The following RNF139 variants were observed in gnomAD, a reference collection of about 807,000 sequenced individuals.
RNF139 encodes the protein ring finger protein 139.
RNF139 carries 15 observed loss-of-function variants against 49.5 expected under a neutral mutation model. That is an observed-to-expected ratio of 0.30 (90% CI 0.20 to 0.47). The LOEUF (loss-of-function observed/expected upper bound fraction) is 0.47. RNF139 is among the 20% of genes least tolerant of loss of function. RNF139 has a pLI of 1.00. For synonymous variants in RNF139, 325 were observed against 300.9 expected, an observed-to-expected ratio of 1.08 and a Z score of -0.83; for missense variants, 619 against 806.3, an observed-to-expected ratio of 0.77 and a Z score of 2.81.
At position 124,486,741 on chromosome 8, in the gene RNF139, G is replaced by C; in HGVS notation, c.1092G>C (p.Leu364=). Reference sequence around the variant, plus strand: ...TGTGCCTTTTATTAACTGCAGTCCTGCATTTTATCCATGGAATGACAGACC... The same window carrying C: ...TGTGCCTTTTATTAACTGCAGTCCTCCATTTTATCCATGGAATGACAGACC... ...RNMCLLLTAV[L]HFIHGMTDPV... is the part of the protein sequence containing the mutation. Residue 364 remains leucine (L), a synonymous_variant, in exon 2 of 2, where the codon CTG becomes CTC. Transcript: ENST00000303545. 1.2e-6 allele frequency: 2 copies of C among 1,613,912 alleles called. No individual in the cohort carries two copies. Among genetic ancestry groups the C allele is most frequent in the Non-Finnish European group, 1.7e-6 (2 of 1,179,950 alleles).
At chr8:124,479,919 C>A (rs1270914030) in intron 1 of RNF139, among the ~76,000 whole-genome samples, 1 of 151,940 alleles carries the variant, frequency 6.6e-6, no homozygotes, top group African/African-American at 2.4e-5. Context: ...AATATATAGA[C>A]AGTCACTTCT....
At chr8:124,481,356 T>G (rs1207715866) in intron 1 of RNF139, among the ~76,000 whole-genome samples, 1 of 152,292 alleles carries the variant, frequency 6.6e-6, no homozygotes, top group African/African-American at 2.4e-5. Context: ...ATTGTAAATA[T>G]TATGTTTTGT....
intron 1 of RNF139, among the ~76,000 whole-genome samples, chr8:124,481,070 A>G (rs1286907070): frequency 6.6e-6 from 1 of 152,198 alleles, no homozygotes; most frequent in Non-Finnish European, 1.5e-5. Flanking sequence ...TTTAAAAGCA[A>G]AAGTTTAATT....
rs771945528 is a variant in RNF139, at chr8:124,488,605, G to GA, written c.*967dup. On this transcript the variant is annotated 3_prime_UTR_variant, in exon 2 of 2. Coordinates refer to ENST00000303545, the MANE Select transcript of RNF139 (RefSeq NM_007218.4). ...AAGACATATACCAATTATATTCCAG[G>GA]AAAAAATACTTTAATAGTATTGTTA... 44 of 1,531,728 alleles carry GA rather than the reference G, an allele frequency of 2.9e-5. No homozygotes were observed. In the African/African-American group the frequency reaches 4.7e-4, roughly 16 times the overall value. The allele number at this position is 1,531,728 out of a possible 1,614,324, so 94.9% of individuals were successfully genotyped here.
chr8:124,479,285 A>G (rs1364196354), intron 1 of RNF139, among the ~76,000 whole-genome samples: 1 of 152,156 alleles, frequency 6.6e-6, no homozygotes, highest in Non-Finnish European at 1.5e-5. Context: ...TGGCCTAGAG[A>G]GATAGTTTGC....
intron 1 of RNF139, among the ~76,000 whole-genome samples, chr8:124,479,811 T>G (rs1333703611): frequency 1.3e-5 from 2 of 152,126 alleles, no homozygotes; most frequent in Non-Finnish European, 2.9e-5. Flanking sequence ...GTTTCAGAGA[T>G]AGAATTGAAG....
At position 124,478,140 on chromosome 8, in the gene RNF139, T is replaced by TA. The variant is rs1395642000; in HGVS notation, c.181+2861dup. ...CCTGGGGATAGAGTGAGACTCTGTC[T>TA]AAAAAAAAAAACAAAACAAAACAAG... On this transcript the variant is annotated intron_variant, in intron 1 of 1. Transcript: ENST00000303545. 9.1e-3 allele frequency among the ~76,000 whole-genome samples: 1,221 copies of TA among 133,458 alleles called. 10 individuals carry two copies. Among genetic ancestry groups the TA allele is most frequent in the South Asian group, 0.027 (113 of 4,250 alleles). The allele number at this position is 133,458 out of a possible 152,430, so 87.6% of individuals were successfully genotyped here.
chr8:124,487,609 G>T lies in RNF139; in HGVS notation c.1960G>T (p.Ala654Ser), dbSNP rs750103363. 3 of 1,607,502 alleles carry T rather than the reference G, an allele frequency of 1.9e-6. No individual in the cohort carries two copies. The highest frequency in any genetic ancestry group is 2.6e-6 in the Non-Finnish European group (3 of 1,176,182). ...ERNGVIQHTGAAAEEFNDDTD is the reference protein window; with the variant it reads ...ERNGVIQHTGSAAEEFNDDTD ...AAATGGAGTGATTCAGCACACAGGC[G>T]CAGCAGCTGAAGAATTTAATGATGA... The change falls in exon 2 of 2, where the codon GCA becomes TCA. Residue 654 changes from alanine to serine, a missense_variant. Coordinates refer to ENST00000303545, the MANE Select transcript of RNF139 (RefSeq NM_007218.4).
intron 1 of RNF139, among the ~76,000 whole-genome samples, chr8:124,477,420 A>G (rs1007339201): frequency 1.3e-5 from 2 of 152,348 alleles, no homozygotes; most frequent in African/African-American, 4.8e-5. Flanking sequence ...TTGTAGTTGT[A>G]GACTTCTCAG....
intron 1 of RNF139, among the ~76,000 whole-genome samples, chr8:124,475,616 G>A (rs996245019): frequency 7.9e-5 from 12 of 152,312 alleles, no homozygotes; most frequent in East Asian, 5.8e-4. Context: ...GACAGCCTTC[G>A]AAAAACAACT....
Position 124,485,237 on chromosome 8 carries a change from G to T in RNF139, c.182-594G>T, listed in dbSNP as rs1367566957. Among the ~76,000 whole-genome samples the T allele has an allele frequency of 2.0e-5, 3 of 152,142 alleles. No homozygotes were observed. The East Asian group carries it at 5.8e-4, about 29-fold the overall frequency. On this transcript the variant is annotated intron_variant, in intron 1 of 1. Coordinates refer to ENST00000303545, the MANE Select transcript of RNF139 (RefSeq NM_007218.4). ...AAATTAGCTGGGCATGGTGGCAGGT[G>T]CCTGTAATCCCAGTTACTTGGGAGG... is the stretch of plus-strand genomic sequence containing the variant.
At chr8:124,480,317 C>T (rs947429468) in intron 1 of RNF139, among the ~76,000 whole-genome samples, 3 of 147,570 alleles carry the variant, frequency 2.0e-5, no homozygotes, top group Non-Finnish European at 4.5e-5. Flanking sequence ...ATTGATAAAC[C>T]GAATGATATT....
chr8:124,487,678 G>C lies in RNF139; in HGVS notation c.*34G>C, dbSNP rs926325477. 1.3e-6 allele frequency: 2 copies of C among 1,549,914 alleles called. No homozygotes were observed. The highest frequency in any genetic ancestry group is 1.4e-5 in the African/African-American group (1 of 72,930). On this transcript the variant is annotated 3_prime_UTR_variant, in exon 2 of 2. Coordinates refer to ENST00000303545, the MANE Select transcript of RNF139 (RefSeq NM_007218.4). ...GCATTTATTAATGATTGAGGTATTT[G>C]TTTAAAATTCAGTTCATCCAAAATG... is the stretch of plus-strand genomic sequence containing the variant.
chr8:124,487,784 C>T lies in RNF139; in HGVS notation c.*140C>T, dbSNP rs1816567168. ...GAATCTGTGAATGGTTTTCCGTTTA[C>T]TGTGATGTGCTACTGTAAATATACC... On this transcript the variant is annotated 3_prime_UTR_variant, in exon 2 of 2. Coordinates refer to ENST00000303545, the MANE Select transcript of RNF139 (RefSeq NM_007218.4). 2 of 758,106 alleles carry T rather than the reference C, an allele frequency of 2.6e-6. No individual in the cohort carries two copies. The highest frequency in any genetic ancestry group is 4.1e-6 in the Non-Finnish European group (2 of 483,844). The allele number at this position is 758,106 out of a possible 1,614,324, so 47.0% of individuals were successfully genotyped here.
chr8:124,486,075 T>TA lies in RNF139; in HGVS notation c.427dup (p.Thr143AsnfsTer120). 1 of 1,614,234 alleles carries TA rather than the reference T, an allele frequency of 6.2e-7. No individual in the cohort carries two copies. The highest frequency in any genetic ancestry group is 8.5e-7 in the Non-Finnish European group (1 of 1,180,036). On this transcript the variant is annotated frameshift_variant, in exon 2 of 2. Transcript: ENST00000303545. LOFTEE classifies it high-confidence loss of function. The stretch of plus-strand genomic sequence containing the variant: ...AGCTAACATTTGGAATTGGATACGT[T>TA]ACACTACTCCAGATTCATTCCATCT...
chr8:124,475,443 G>A (rs1262263283), intron 1 of RNF139, among the ~76,000 whole-genome samples, 153 bp downstream of exon 1: 5 of 152,226 alleles, frequency 3.3e-5, no homozygotes, highest in African/African-American at 7.2e-5. Context: ...GGGTTGGGAG[G>A]GGGAAGGAGA....
intron 1 of RNF139, among the ~76,000 whole-genome samples, chr8:124,482,958 A>T (rs376318216): frequency 0.066 from 6,225 of 94,196 alleles, 471 homozygotes; most frequent in East Asian, 0.15. Flanking sequence ...ATATATATAT[A>T]ATATATATAT....
In RNF139 at chr8:124,485,743, CTAAT is replaced by C. The variant is rs1417252090; in HGVS notation, c.182-84_182-81del. 41 of 1,106,090 alleles carry C rather than the reference CTAAT, an allele frequency of 3.7e-5. No homozygotes were observed. In the African/African-American group the frequency reaches 5.7e-4, roughly 15 times the overall value. 68.5% of individuals were successfully genotyped at this position (1,106,090 alleles called of 1,614,324 possible). A position where few individuals can be genotyped will look rare whatever the true frequency, so the allele number is the denominator to read the frequency against. Reference sequence around the variant, plus strand: ...TCATAACTGAAAATATTCATATTTCCTAATTAAAGGAAGAATATCATAACTCTTA... The same window carrying C: ...TCATAACTGAAAATATTCATATTTCCTAAAGGAAGAATATCATAACTCTTA... On this transcript the variant is annotated intron_variant, in intron 1 of 1. Coordinates refer to ENST00000303545, the MANE Select transcript of RNF139 (RefSeq NM_007218.4).
chr8:124,479,162 C>T (rs1816363803), intron 1 of RNF139, among the ~76,000 whole-genome samples: 1 of 152,132 alleles, frequency 6.6e-6, no homozygotes, highest in South Asian at 2.1e-4. Context: ...GTGATCTCAG[C>T]ACACTGCAAC....
Sources: allele counts gnomAD v4.1 joint callset (sites outside exome capture counted in the v4.1 genomes callset), GRCh38; gene constraint gnomAD v4.1.1; transcripts MANE v1.5; gene names NCBI Gene and HGNC (gene_info 2026-07-23, HGNC 2026-07-21).